CSMD1: variants seen among roughly 807,000 people sequenced by gnomAD.
CSMD1 encodes CUB and sushi domain-containing protein 1.
In CSMD1, 213 loss-of-function variants were observed where a neutral mutation model predicts 417.5. The ratio of observed to expected loss-of-function variants is 0.51; its 90% CI spans 0.46 to 0.57. The LOEUF (loss-of-function observed/expected upper bound fraction) is 0.57, where lower values mean the gene tolerates loss of function less well. Among genes scored for constraint, CSMD1 ranks in the 20% least tolerant of loss-of-function variants. The probability of loss-of-function intolerance (pLI) is 0.00; values close to 1 mark genes in which losing one functional copy is unlikely to be tolerated. For missense variants in CSMD1, 6,923 were observed against 4,529.7 expected (o/e 1.53, Z -15.17); for synonymous variants, 2,862 against 1,736.8 (o/e 1.65, Z -16.11).
chr8:3,722,295 G>T (rs1487078790), intron 6 of CSMD1, among the ~76,000 whole-genome samples: 1 of 152,132 alleles, frequency 6.6e-6, no homozygotes, highest in Non-Finnish European at 1.5e-5. Context: ...GCGACAGAGT[G>T]AGACTCCATC....
At chr8:4,334,470 T>C (rs1052553145) in intron 3 of CSMD1, among the ~76,000 whole-genome samples, 11 of 152,146 alleles carry the variant, frequency 7.2e-5, no homozygotes, top group African/African-American at 2.4e-4. Flanking sequence ...CTCCTGAGTG[T>C]TCATCCTGCC....
At chr8:4,292,444 G>A (rs12334788) in intron 3 of CSMD1, among the ~76,000 whole-genome samples, 2 of 152,012 alleles carry the variant, frequency 1.3e-5, no homozygotes, top group Non-Finnish European at 2.9e-5. Flanking sequence ...AATACAGACG[G>A]AATTTCACCG....
At chr8:4,751,827 G>A (rs939342915) in intron 1 of CSMD1, among the ~76,000 whole-genome samples, 2 of 152,106 alleles carry the variant, frequency 1.3e-5, no homozygotes. Flanking sequence ...GATGTCTTCG[G>A]TTTCATGTTC....
intron 1 of CSMD1, among the ~76,000 whole-genome samples, chr8:4,830,916 G>T (rs1269883154): frequency 6.6e-6 from 1 of 152,114 alleles, no homozygotes; most frequent in Non-Finnish European, 1.5e-5. Context: ...AACTTTCAGT[G>T]AACTTCCTTA....
chr8:3,411,660 ATATATATACGTG>A (rs1181385161), intron 12 of CSMD1, among the ~76,000 whole-genome samples: 2 of 129,524 alleles, frequency 1.5e-5, no homozygotes, highest in African/African-American at 2.9e-5. Context: ...TCCATCATAT[ATATATATACGTG>A]TATATATACG....
Position 4,324,800 on chromosome 8 carries a change from G to A in CSMD1, c.415+95153C>T, listed in dbSNP as rs114258190. ...TCGAAAGTGTGTTTACCTAGCGCCT[G>A]CTTCCCATGTCTTGCTAGAGAACAT... On this transcript the variant is annotated intron_variant, in intron 3 of 69. Coordinates refer to ENST00000635120, the MANE Select transcript of CSMD1 (RefSeq NM_033225.6). 6.8e-3 allele frequency among the ~76,000 whole-genome samples: 1,035 copies of A among 152,298 alleles called. 20 individuals carry two copies. The highest frequency in any genetic ancestry group is 0.024 in the African/African-American group (980 of 41,558).
At chr8:4,235,501 C>T (rs1017630832) in intron 3 of CSMD1, among the ~76,000 whole-genome samples, 2 of 151,962 alleles carry the variant, frequency 1.3e-5, no homozygotes, top group African/African-American at 4.8e-5. Context: ...TTTTAGAAAA[C>T]AAATCTTCTA....
chr8:3,506,530 C>G (rs1001350012), intron 10 of CSMD1, among the ~76,000 whole-genome samples: 1 of 152,214 alleles, frequency 6.6e-6, no homozygotes, highest in Non-Finnish European at 1.5e-5. Context: ...AGCAGTTACA[C>G]AGATACTTTA....
At chr8:3,404,807 C>G (rs771736892) in intron 15 of CSMD1, among the ~76,000 whole-genome samples, 2 of 152,012 alleles carry the variant, frequency 1.3e-5, no homozygotes, top group Non-Finnish European at 2.9e-5. Context: ...ATGCTAAGGA[C>G]ACCTGAGACG....
chr8:4,026,735 G>C (rs764139908), intron 4 of CSMD1, among the ~76,000 whole-genome samples: 1 of 152,152 alleles, frequency 6.6e-6, no homozygotes, highest in African/African-American at 2.4e-5. Context: ...TTTCCTTAAA[G>C]AAACTGTAAT....
chr8:4,863,398 C>G (rs1335026332), intron 1 of CSMD1, among the ~76,000 whole-genome samples: 2 of 152,076 alleles, frequency 1.3e-5, no homozygotes, highest in African/African-American at 4.8e-5. Flanking sequence ...AAGAGAATGC[C>G]TTTGGCCCTC....
intron 13 of CSMD1, among the ~76,000 whole-genome samples, chr8:3,408,430 A>G (rs1812481128): frequency 6.6e-6 from 1 of 151,614 alleles, no homozygotes; most frequent in Non-Finnish European, 1.5e-5. Flanking sequence ...CATATAGAGC[A>G]CAACCAGAAC....
At chr8:4,169,305 T>C (rs973834491) in intron 3 of CSMD1, among the ~76,000 whole-genome samples, 5 of 152,172 alleles carry the variant, frequency 3.3e-5, no homozygotes, top group African/African-American at 1.2e-4. Flanking sequence ...TCCTGATCCT[T>C]CCTCTAAAGC....
At chr8:4,604,395 G>GTA (rs1206052135) in intron 2 of CSMD1, among the ~76,000 whole-genome samples, 1 of 86,374 alleles carries the variant, frequency 1.2e-5, no homozygotes. Flanking sequence ...GTGTGTGTGT[G>GTA]TGTGTGTGTG....
intron 3 of CSMD1, among the ~76,000 whole-genome samples, chr8:4,229,848 G>A (rs1052986453): frequency 3.3e-5 from 5 of 152,014 alleles, no homozygotes; most frequent in Admixed American, 6.6e-5. Flanking sequence ...GGATTTTATC[G>A]CTTTGGTCTG....
At chr8:3,518,557 T>C (rs917409741) in intron 10 of CSMD1, among the ~76,000 whole-genome samples, 1 of 152,176 alleles carries the variant, frequency 6.6e-6, no homozygotes, top group Non-Finnish European at 1.5e-5. Context: ...ATGCAGTATC[T>C]ATGTGAAAGT....
chr8:2,973,298 T>C lies in CSMD1; in HGVS notation c.8742A>G (p.Gly2914=). Reference sequence around the variant, plus strand: ...GATCACCACAGAATCCAGGATTATTTCCTATTGAAAACAAACACATACGGC... The same window carrying C: ...GATCACCACAGAATCCAGGATTATTCCCTATTGAAAACAAACACATACGGC... ...HWSGALPHCT[G]NNPGFCGDPG... is the part of the protein sequence containing the mutation. The change falls in exon 57 of 70, where the codon GGA becomes GGG. Residue 2914 remains glycine (G), a splice_region_variant and synonymous_variant. Coordinates refer to ENST00000635120, the MANE Select transcript of CSMD1 (RefSeq NM_033225.6). 2.5e-6 allele frequency: 4 copies of C among 1,613,512 alleles called. No homozygotes were observed. The highest frequency in any genetic ancestry group is 3.4e-6 in the Non-Finnish European group (4 of 1,179,564).
chr8:3,140,538 A>G (rs1818375801), intron 41 of CSMD1, among the ~76,000 whole-genome samples: 1 of 152,050 alleles, frequency 6.6e-6, no homozygotes, highest in Non-Finnish European at 1.5e-5. Flanking sequence ...TTTTGCTCCT[A>G]CCTAGATTTC....
At chr8:3,865,902 T>A (rs1197996002) in intron 5 of CSMD1, among the ~76,000 whole-genome samples, 1 of 152,180 alleles carries the variant, frequency 6.6e-6, no homozygotes, top group East Asian at 1.9e-4. Context: ...TACAAGTAAT[T>A]GTCAAAACCA....
Sources: gnomAD v4.1 joint callset for allele counts (sites outside exome capture counted in the v4.1 genomes callset) on GRCh38, gnomAD v4.1.1 for gene constraint, MANE v1.5 for transcripts, NCBI Gene and HGNC (gene_info 2026-07-23, HGNC 2026-07-21) for gene names.